The following WDR70 variants were observed in gnomAD, a reference collection of about 807,000 sequenced individuals.
WDR70 encodes WD repeat-containing protein 70.
WDR70 carries 53 observed loss-of-function variants against 88.6 expected under a neutral mutation model. The observed-to-expected ratio is 0.60, with a 90% CI of 0.48 to 0.75. The LOEUF is 0.75. Ranked by LOEUF, WDR70 falls within the 30% of genes least tolerant of loss-of-function variation. The pLI is 0.00. For synonymous variants in WDR70, 280 were observed against 270.0 expected, an observed-to-expected ratio of 1.04 and a Z score of -0.36; for missense variants, 610 against 823.2, an observed-to-expected ratio of 0.74 and a Z score of 3.17.
chr5:37,614,541 T>C (rs1434304628), intron 10 of WDR70, among the ~76,000 whole-genome samples: 1 of 152,208 alleles, frequency 6.6e-6, no homozygotes, highest in Non-Finnish European at 1.5e-5. Flanking sequence ...AAAAATATTT[T>C]GTGACACATG....
At chr5:37,443,458 T>C (rs1191559716) in intron 7 of WDR70, 86 bp downstream of exon 7, 2 of 1,455,330 alleles carry the variant, frequency 1.4e-6, no homozygotes, top group Non-Finnish European at 1.9e-6. Flanking sequence ...GAATCCCATC[T>C]ACAATGATTT....
intron 17 of WDR70, among the ~76,000 whole-genome samples, chr5:37,738,086 A>G (rs1748357337): frequency 2.0e-5 from 3 of 152,038 alleles, no homozygotes; most frequent in African/African-American, 7.2e-5. Flanking sequence ...TCACCAAAAA[A>G]AGGAATCATT....
intron 10 of WDR70, among the ~76,000 whole-genome samples, chr5:37,620,349 C>T (rs1466003341): frequency 2.0e-5 from 3 of 152,128 alleles, no homozygotes; most frequent in African/African-American, 7.2e-5. Context: ...CATTGATGCT[C>T]ATGGGGCAGG....
chr5:37,662,399 A>C (rs1745726069), intron 10 of WDR70, among the ~76,000 whole-genome samples: 1 of 152,132 alleles, frequency 6.6e-6, no homozygotes, highest in Admixed American at 6.6e-5. Flanking sequence ...AGAAAGACTG[A>C]TTTGTGTTCA....
chr5:37,725,038 G>C lies in WDR70; in HGVS notation c.1702G>C (p.Val568Leu). 3 of 1,613,438 alleles carry C rather than the reference G, an allele frequency of 1.9e-6. No individual in the cohort carries two copies. The highest frequency in any genetic ancestry group is 1.7e-6 in the Non-Finnish European group (2 of 1,179,626). ...PLKSHKPEPP[V>L]AGPGRGGRVG... ...GAAGTCGCATAAACCTGAACCTCCT[G>C]TAGCAGGCCCAGGTGACTGTGATCC... Residue 568 changes from valine to leucine, a missense_variant, in exon 16 of 18, where the codon GTA becomes CTA. This residue lies in a region of WDR70 where 70 missense variants were observed against 139.2 expected (regional missense o/e 0.50). Coordinates refer to ENST00000265107, the MANE Select transcript of WDR70 (RefSeq NM_018034.4).
At position 37,664,684 on chromosome 5, in the gene WDR70, G is replaced by T. The variant is rs557091477; in HGVS notation, c.1093-32971G>T. ...TTGTAGATATTTGTTTTGAATGTTT[G>T]CCTCCCTTTCTAGACAGATCTCATT... On this transcript the variant is annotated intron_variant, in intron 10 of 17. Coordinates refer to ENST00000265107, the MANE Select transcript of WDR70 (RefSeq NM_018034.4). Among the ~76,000 whole-genome samples the T allele has an allele frequency of 1.1e-4, 16 of 152,154 alleles. 1 individual carries two copies. The East Asian group carries it at 2.9e-3, about 28-fold the overall frequency.
At chr5:37,483,483 G>C (rs1739739058) in intron 8 of WDR70, among the ~76,000 whole-genome samples, 1 of 152,192 alleles carries the variant, frequency 6.6e-6, no homozygotes, top group South Asian at 2.1e-4. Flanking sequence ...ACAAAATGAA[G>C]TCTCCCATGT....
rs796576579 is a variant in WDR70 at position 37,499,597 on chromosome 5, C to CTCTCTCTTTT, written c.841-16910_841-16909insTTTTCTCTCT. On this transcript the variant is annotated intron_variant, in intron 8 of 17. Coordinates refer to ENST00000265107, the MANE Select transcript of WDR70 (RefSeq NM_018034.4). ...TGTGATTTGGAAATATTCTCTCTCT[C>CTCTCTCTTTT]TCTCTCTCTCTCTCTCTCTCTCTCT... 8.8e-3 allele frequency among the ~76,000 whole-genome samples: 442 copies of CTCTCTCTTTT among 50,310 alleles called. 9 individuals carry two copies. The highest frequency in any genetic ancestry group is 0.02 in the Admixed American group (79 of 3,970). The allele number at this position is 50,310 out of a possible 152,430, so 33.0% of individuals were successfully genotyped here.
chr5:37,557,957 A>ACTCTTTTGAAAACTCTTCACAAGAGTAC, intron 9 of WDR70, among the ~76,000 whole-genome samples: 1 of 139,252 alleles, frequency 7.2e-6, no homozygotes, highest in Non-Finnish European at 1.6e-5. Context: ...TCAAAAGAGT[A>ACTCTTTTGAAAACTCTTCACAAGAGTAC]TTATGTATAT....
chr5:37,541,415 T>C (rs1741811139), intron 9 of WDR70, among the ~76,000 whole-genome samples: 1 of 152,218 alleles, frequency 6.6e-6, no homozygotes, highest in African/African-American at 2.4e-5. Flanking sequence ...AGAAAATGTT[T>C]TGAATAACTT....
At chr5:37,520,509 G>T (rs1003332102) in intron 9 of WDR70, among the ~76,000 whole-genome samples, 8 of 151,930 alleles carry the variant, frequency 5.3e-5, no homozygotes, top group Non-Finnish European at 1.0e-4. Flanking sequence ...AATAGTTAAG[G>T]TATGTTTGTT....
chr5:37,482,945 G>A (rs1392876719), intron 8 of WDR70, among the ~76,000 whole-genome samples: 1 of 152,088 alleles, frequency 6.6e-6, no homozygotes, highest in East Asian at 1.9e-4. Flanking sequence ...TACTTGGAAG[G>A]CTGAGGCAGG....
At position 37,381,673 on chromosome 5, in the gene WDR70, C is replaced by G. The variant is rs755971348; in HGVS notation, c.163C>G (p.Arg55Gly). The G allele has an allele frequency of 1.2e-6, 2 of 1,610,802 alleles. No homozygotes were observed. Among genetic ancestry groups the G allele is most frequent in the South Asian group, 1.1e-5 (1 of 90,988 alleles). The change falls in exon 3 of 18, where the codon CGC becomes GGC. Residue 55 changes from arginine to glycine, a missense_variant. This residue lies in a region of WDR70 where 203 missense variants were observed against 228.1 expected (regional missense o/e 0.89). Transcript: ENST00000265107. ...QTRRTAVERS[R>G]KTLEAREKEE... ...TCGAAGGACAGCTGTGGAAAGAAGT[C>G]GCAAAACACTGGGTAAGAAGCTCAG...
chr5:37,749,445 G>A (rs77818019), intron 17 of WDR70, among the ~76,000 whole-genome samples: 268 of 152,236 alleles, frequency 1.8e-3, no homozygotes, highest in African/African-American at 6.0e-3. Flanking sequence ...CCTTTTGGAC[G>A]TTGGGGTGTG....
intron 9 of WDR70, among the ~76,000 whole-genome samples, chr5:37,592,220 A>G (rs1306646559): frequency 1.3e-5 from 2 of 152,216 alleles, no homozygotes; most frequent in African/African-American, 4.8e-5. Flanking sequence ...CATTATACAC[A>G]TAGCCTGAAG....
At chr5:37,416,382 G>A (rs572184665) in intron 5 of WDR70, among the ~76,000 whole-genome samples, 26 of 152,216 alleles carry the variant, frequency 1.7e-4, no homozygotes, top group Admixed American at 1.5e-3. Flanking sequence ...GTGGCGGCGC[G>A]CCTGCAATTG....
intron 5 of WDR70, among the ~76,000 whole-genome samples, chr5:37,420,412 T>C (rs1453186291): frequency 2.6e-5 from 4 of 152,192 alleles, no homozygotes; most frequent in Non-Finnish European, 5.9e-5. Context: ...TAGATTTGCC[T>C]GTGCCAATCT....
At chr5:37,444,488 G>A (rs539078190) in intron 7 of WDR70, among the ~76,000 whole-genome samples, 13 of 151,888 alleles carry the variant, frequency 8.6e-5, no homozygotes, top group African/African-American at 3.1e-4. Flanking sequence ...ATATGGGTGT[G>A]CACCACCATG....
At chr5:37,639,085 G>T (rs1745042840) in intron 10 of WDR70, among the ~76,000 whole-genome samples, 1 of 152,162 alleles carries the variant, frequency 6.6e-6, no homozygotes, top group African/African-American at 2.4e-5. Context: ...AACAAACCCA[G>T]AGTGAGTATT....
Sources: allele counts gnomAD v4.1 joint callset (sites outside exome capture counted in the v4.1 genomes callset), GRCh38; gene constraint gnomAD v4.1.1; regional missense constraint gnomAD v4.1.1; transcripts MANE v1.5; gene names NCBI Gene and HGNC (gene_info 2026-07-23, HGNC 2026-07-21).